The following DOCK10 variants were observed in gnomAD, a reference collection of about 807,000 sequenced individuals.
The protein encoded by DOCK10 is dedicator of cytokinesis protein 10.
In DOCK10, 145 loss-of-function variants were observed where a neutral mutation model predicts 280.1. The ratio of observed to expected loss-of-function variants is 0.52; its 90% CI spans 0.45 to 0.59. DOCK10 has a LOEUF of 0.59. Ranked by LOEUF, DOCK10 falls within the 20% of genes least tolerant of loss-of-function variation. The pLI is 0.00. For missense variants in DOCK10, 2,368 were observed against 2,651.7 expected (o/e 0.89, Z 2.35); for synonymous variants, 915 against 942.2 (o/e 0.97, Z 0.53).
At chr2:224,923,555 A>C (rs1010855049) in intron 2 of DOCK10, among the ~76,000 whole-genome samples, 2 of 152,160 alleles carry the variant, frequency 1.3e-5, no homozygotes, top group Non-Finnish European at 2.9e-5. Flanking sequence ...CCATCCAAGA[A>C]AGCCCAGTGA....
intron 23 of DOCK10, among the ~76,000 whole-genome samples, chr2:224,840,494 A>G (rs1363435102): frequency 6.6e-6 from 1 of 152,236 alleles, no homozygotes; most frequent in South Asian, 2.1e-4. Context: ...CAAATGGCCA[A>G]CAGATATATA....
intron 3 of DOCK10, among the ~76,000 whole-genome samples, chr2:224,910,718 TAGCTC>T (rs936337585): frequency 2.0e-5 from 3 of 152,246 alleles, no homozygotes; most frequent in African/African-American, 7.2e-5. Context: ...TTCCCAGTCT[TAGCTC>T]AGCTCTTTGG....
Position 224,864,967 on chromosome 2 carries a change from C to A in DOCK10, c.1378G>T (p.Val460Leu), listed in dbSNP as rs777921826. ...AVRQMLLGASVALENGNIDTI... is the reference protein window; with the variant it reads ...AVRQMLLGASLALENGNIDTI... ...TCGATGTTGCCATTTTCCAAAGCCA[C>A]AGAAGCCCCCAAGAGCATCTGTCTG... The change falls in exon 12 of 56, where the codon GTG (valine) becomes TTG (leucine). Residue 460 changes from valine to leucine, a missense_variant. Physicochemically the swap from Val to Leu is conservative, Grantham distance 32. This residue lies in a region of DOCK10 where 1,209 missense variants were observed against 1,250.9 expected (regional missense o/e 0.97). Coordinates refer to ENST00000258390, the MANE Select transcript of DOCK10 (RefSeq NM_014689.3). The A allele has an allele frequency of 6.2e-7, 1 of 1,613,896 alleles. No homozygotes were observed. The highest frequency in any genetic ancestry group is 8.5e-7 in the Non-Finnish European group (1 of 1,179,864).
chr2:224,852,483 A>G (rs1263449443), intron 17 of DOCK10, 41 bp from the exon 18 acceptor site: 3 of 1,492,048 alleles, frequency 2.0e-6, no homozygotes, highest in East Asian at 4.9e-5. Context: ...GTAATTTCCT[A>G]TCAAATAACA....
intron 3 of DOCK10, among the ~76,000 whole-genome samples, chr2:224,916,222 C>A (rs1191490681): frequency 6.6e-6 from 1 of 152,146 alleles, no homozygotes; most frequent in Non-Finnish European, 1.5e-5. Flanking sequence ...ATGGTGAAAC[C>A]CCATCTCTAC....
chr2:224,918,110 C>T (rs62186358), intron 2 of DOCK10, among the ~76,000 whole-genome samples: 35,131 of 152,100 alleles, frequency 0.23, 4,548 homozygotes, highest in Non-Finnish European at 0.28. Flanking sequence ...CCAAGGGCGG[C>T]GTCCTTCCCA....
At chr2:225,005,166 T>C (rs1706533524) in intron 1 of DOCK10, among the ~76,000 whole-genome samples, 1 of 152,222 alleles carries the variant, frequency 6.6e-6, no homozygotes, top group Non-Finnish European at 1.5e-5. Context: ...ATCAGAGTAG[T>C]ACAGCTGCCA....
chr2:224,868,253 G>A (rs1229872687), intron 11 of DOCK10, among the ~76,000 whole-genome samples: 1 of 152,018 alleles, frequency 6.6e-6, no homozygotes. Flanking sequence ...ATTCAAGAAG[G>A]AAAGAATGGT....
chr2:225,041,937 C>T (rs560090521), intron 1 of DOCK10, among the ~76,000 whole-genome samples: 2 of 152,206 alleles, frequency 1.3e-5, no homozygotes, highest in Non-Finnish European at 2.9e-5. Flanking sequence ...GTGTGACTGG[C>T]GGTGCATTCC....
chr2:224,914,237 T>C (rs1701193042), intron 3 of DOCK10, among the ~76,000 whole-genome samples: 1 of 152,228 alleles, frequency 6.6e-6, no homozygotes, highest in Admixed American at 6.5e-5. Flanking sequence ...TAAATTTGTT[T>C]TAGGTATTTT....
chr2:225,002,649 A>C (rs281527), intron 1 of DOCK10, among the ~76,000 whole-genome samples: 1 of 152,166 alleles, frequency 6.6e-6, no homozygotes, highest in Non-Finnish European at 1.5e-5. Context: ...ACGAGGAGCT[A>C]GTTGCATGGG....
rs56041307 is a variant in DOCK10, at chr2:224,869,160, A to G, written c.1258-4073T>C. ...CTTCTGAAAAAAACTCGCAAAGATA[A>G]AATTTTAAATGTAGTTCTACTGTGA... is the stretch of plus-strand genomic sequence containing the variant. On this transcript the variant is annotated intron_variant, in intron 11 of 55. Coordinates refer to ENST00000258390, the MANE Select transcript of DOCK10 (RefSeq NM_014689.3). Among the ~76,000 whole-genome samples, 1,490 of 152,296 alleles carry G rather than the reference A, an allele frequency of 9.8e-3. 9 individuals carry two copies. The highest frequency in any genetic ancestry group is 0.017 in the Middle Eastern group (5 of 294).
chr2:225,028,449 C>G (rs192269441), intron 1 of DOCK10, among the ~76,000 whole-genome samples: 1 of 152,124 alleles, frequency 6.6e-6, no homozygotes, highest in African/African-American at 2.4e-5. Flanking sequence ...TCCTCTAGAG[C>G]TCCACAAAGG....
At chr2:224,832,268 C>G (rs1384091942) in intron 26 of DOCK10, among the ~76,000 whole-genome samples, 3 of 152,142 alleles carry the variant, frequency 2.0e-5, no homozygotes, top group Non-Finnish European at 4.4e-5. Context: ...GAACTATCCT[C>G]TATGTATTCT....
At chr2:224,861,481 T>G (rs1308989186) in intron 14 of DOCK10, 3 of 152,278 alleles carry the variant, frequency 2.0e-5, no homozygotes, top group Admixed American at 2.0e-4. Flanking sequence ...AACGAATTCC[T>G]GGAGACTGCA....
In DOCK10 at chr2:224,876,213, T is replaced by A; in HGVS notation, c.756A>T (p.Arg252Ser). 6.2e-7 allele frequency: 1 copy of A among 1,605,218 alleles called. No homozygotes were observed. Among genetic ancestry groups the A allele is most frequent in the Non-Finnish European group, 8.5e-7 (1 of 1,175,316 alleles). ...TCAATTCAAAGGCATATTTTCTTAG[T>A]CTGTTATTCTGTGGTATAAAAAGAA... Reference protein sequence around the residue: ...DSCTGVVQNNRLRKYAFELKM... With the variant: ...DSCTGVVQNNSLRKYAFELKM... Residue 252 changes from arginine to serine, a missense_variant, in exon 8 of 56, where the codon AGA (arginine) becomes AGT (serine). Around this residue, in one of 2 missense-constraint regions of DOCK10, gnomAD observed 1,209 missense variants for 1,250.9 expected, o/e 0.97. Transcript: ENST00000258390.
chr2:224,770,313 C>T lies in DOCK10; in HGVS notation c.6342G>A (p.Val2114=). ...GGTCCTCTTTGATGAGGCGCTCATT[C>T]ACGTCAAGGGCCTGCCCACATGCAT... The part of the protein sequence containing the change: ...FADACGQALD[V]NERLIKEDQL... Residue 2114 remains valine, a synonymous_variant, in exon 55 of 56, where the codon GTG becomes GTA. Coordinates refer to ENST00000258390, the MANE Select transcript of DOCK10 (RefSeq NM_014689.3). This position sits in a 1 kb window ranked among gnomAD's most constrained non-coding sequence, Gnocchi z 4.5. 1 of 1,608,280 alleles carries T rather than the reference C, an allele frequency of 6.2e-7. No homozygotes were observed. Among genetic ancestry groups the T allele is most frequent in the Non-Finnish European group, 8.5e-7 (1 of 1,177,436 alleles).
intron 4 of DOCK10, among the ~76,000 whole-genome samples, chr2:224,888,311 G>A (rs927786384): frequency 6.6e-6 from 1 of 151,522 alleles, no homozygotes; most frequent in Admixed American, 6.6e-5. Context: ...TTCCATATAT[G>A]TGTGTGCGTG....
intron 1 of DOCK10, among the ~76,000 whole-genome samples, chr2:225,019,509 T>C (rs1440499465): frequency 6.6e-6 from 1 of 151,164 alleles, no homozygotes; most frequent in African/African-American, 2.4e-5. Flanking sequence ...TGGTGTCCTA[T>C]GCTCCTGCCT....
Sources: gnomAD v4.1 joint callset for allele counts (sites outside exome capture counted in the v4.1 genomes callset) on GRCh38, gnomAD v4.1.1 for gene constraint, gnomAD v4.1.1 regional missense constraint, Gnocchi (gnomAD v3.1) non-coding constraint, MANE v1.5 for transcripts, NCBI Gene and HGNC (gene_info 2026-07-23, HGNC 2026-07-21) for gene names.